ITPK1: variants seen among roughly 807,000 people sequenced by gnomAD.
ITPK1 encodes inositol 1,3,4-trisphosphate 5/6-kinase.
In ITPK1, 21 loss-of-function variants were observed where a neutral mutation model predicts 45.3. The ratio of observed to expected loss-of-function variants is 0.46; its 90% CI spans 0.33 to 0.67. ITPK1 has a LOEUF of 0.67. Among genes scored for constraint, ITPK1 ranks in the 30% least tolerant of loss-of-function variants. The pLI, the probability that ITPK1 is intolerant of heterozygous loss-of-function variation, is 0.02. For synonymous variants in ITPK1, 258 were observed against 253.6 expected (o/e 1.02, Z -0.16); for missense variants, 474 against 573.5 (o/e 0.83, Z 1.77).
intron 3 of ITPK1, among the ~76,000 whole-genome samples, chr14:93,065,986 G>A (rs2139960990): frequency 6.6e-6 from 1 of 152,304 alleles, no homozygotes; most frequent in African/African-American, 2.4e-5. Context: ...AGAAAAAGGA[G>A]CATATTTTAT....
rs913853370 is a variant in ITPK1, at chr14:93,076,695, G to A, written c.96-76C>T. The A allele has an allele frequency of 3.0e-5, 48 of 1,580,450 alleles. No individual in the cohort carries two copies. Among genetic ancestry groups the A allele is most frequent in the East Asian group, 2.2e-4 (10 of 44,728 alleles). On this transcript the variant is annotated intron_variant, in intron 2 of 10. Coordinates refer to ENST00000267615, the MANE Select transcript of ITPK1 (RefSeq NM_014216.6). The surrounding 1 kb of genome is among the most constrained non-coding windows in gnomAD (Gnocchi z 4.3). ...TCCTTTCCGAAGGTTCCCGACAGCC[G>A]GCTGAGGGCAGGACCATGAGAGGGT...
intron 4 of ITPK1, among the ~76,000 whole-genome samples, chr14:93,006,777 A>C (rs561638605): frequency 7.2e-5 from 11 of 152,316 alleles, no homozygotes; most frequent in Admixed American, 2.0e-4. Flanking sequence ...GCTACAGAGG[A>C]GAGGGCTGGA....
At chr14:92,963,990 A>G (rs759862672) in intron 5 of ITPK1, among the ~76,000 whole-genome samples, 1 of 152,206 alleles carries the variant, frequency 6.6e-6, no homozygotes, top group Non-Finnish European at 1.5e-5. Context: ...TCGAGCTGCT[A>G]GCTACTTGGC....
intron 3 of ITPK1, chr14:93,069,889 G>C (rs968812820): frequency 1.3e-5 from 2 of 152,224 alleles, no homozygotes; most frequent in Admixed American, 1.3e-4. Context: ...GAGAAAACAC[G>C]GACAGAAAGA....
intron 3 of ITPK1, among the ~76,000 whole-genome samples, chr14:93,026,372 A>C (rs901930816): frequency 6.6e-6 from 1 of 152,252 alleles, no homozygotes; most frequent in Non-Finnish European, 1.5e-5. Flanking sequence ...ATTAACTACA[A>C]AAGGCTTCCA....
At chr14:93,066,529 T>C (rs867854805) in intron 3 of ITPK1, among the ~76,000 whole-genome samples, 7 of 151,504 alleles carry the variant, frequency 4.6e-5, no homozygotes, top group Non-Finnish European at 8.8e-5. Flanking sequence ...CTCAGCCTCC[T>C]GAGTAGCTGG....
intron 4 of ITPK1, among the ~76,000 whole-genome samples, chr14:93,004,292 C>A (rs1887498696): frequency 6.6e-6 from 1 of 152,372 alleles, no homozygotes; most frequent in South Asian, 2.1e-4. Context: ...CGGTTCCCTG[C>A]GGTCTCTGTT....
At chr14:93,030,118 A>G (rs2139887273) in intron 3 of ITPK1, among the ~76,000 whole-genome samples, 1 of 152,348 alleles carries the variant, frequency 6.6e-6, no homozygotes, top group East Asian at 1.9e-4. Flanking sequence ...ACTCCCTTCC[A>G]ACTGCCAACA....
At chr14:93,092,234 G>A (rs1891893321) in intron 2 of ITPK1, among the ~76,000 whole-genome samples, 1 of 152,196 alleles carries the variant, frequency 6.6e-6, no homozygotes, top group African/African-American at 2.4e-5. Context: ...CCCATGGAAA[G>A]GCTACCACAG....
intron 3 of ITPK1, among the ~76,000 whole-genome samples, chr14:93,042,009 C>T (rs536404947): frequency 1.3e-5 from 2 of 152,314 alleles, no homozygotes; most frequent in South Asian, 2.1e-4. Context: ...TACTAAATGA[C>T]AACAGCAGTG....
intron 4 of ITPK1, among the ~76,000 whole-genome samples, chr14:93,005,904 C>T (rs974620634): frequency 3.3e-5 from 5 of 152,132 alleles, no homozygotes; most frequent in African/African-American, 1.2e-4. Context: ...AGGCTGCCTG[C>T]AAAAGACTAA....
chr14:92,970,554 C>G (rs1355727597), intron 5 of ITPK1, among the ~76,000 whole-genome samples: 1 of 152,198 alleles, frequency 6.6e-6, no homozygotes, highest in East Asian at 1.9e-4. Flanking sequence ...TGGCAGGAAA[C>G]TGGGGCAAGA....
At chr14:92,946,295 A>T in intron 10 of ITPK1, 36 bp downstream of exon 10, 1 of 1,609,776 alleles carries the variant, frequency 6.2e-7, no homozygotes. Context: ...CAGTCTCTGG[A>T]GGCCGGTCAG....
rs1488568004 is a variant in ITPK1 at position 93,066,213 on chromosome 14, GAC to G, written c.120+10380_120+10381del. On this transcript the variant is annotated intron_variant, in intron 3 of 10. Transcript: ENST00000267615. ...GTAGACACAGCGCACATCAGGGCCA[GAC>G]CACGTGCTCCTCAGAGACCAGCAAG... is the stretch of plus-strand genomic sequence containing the variant. 8.8e-6 allele frequency: 4 copies of G among 455,658 alleles called. No individual in the cohort carries two copies. The Admixed American group carries it at 9.4e-5, about 11-fold the overall frequency. The allele number at this position is 455,658 out of a possible 1,614,324, so 28.2% of individuals were successfully genotyped here.
intron 5 of ITPK1, among the ~76,000 whole-genome samples, chr14:92,975,324 C>A (rs1302568071): frequency 6.6e-6 from 1 of 152,182 alleles, no homozygotes; most frequent in Admixed American, 6.5e-5. Flanking sequence ...GACCCAGTAC[C>A]CAGTTCCTCC....
chr14:93,106,288 G>T (rs543435013), intron 2 of ITPK1, among the ~76,000 whole-genome samples: 1 of 148,804 alleles, frequency 6.7e-6, no homozygotes, highest in South Asian at 2.2e-4. Flanking sequence ...GGGCATAACT[G>T]CAGCCTCCCT....
chr14:93,090,588 G>A (rs572459371), intron 2 of ITPK1, among the ~76,000 whole-genome samples: 34 of 152,056 alleles, frequency 2.2e-4, no homozygotes, highest in African/African-American at 6.8e-4. Flanking sequence ...AGAGAGGAAT[G>A]AGCCCCATTT....
At chr14:93,061,251 C>G (rs1258284097) in intron 3 of ITPK1, among the ~76,000 whole-genome samples, 1 of 152,230 alleles carries the variant, frequency 6.6e-6, no homozygotes, top group Non-Finnish European at 1.5e-5. Context: ...TCTCAATTAC[C>G]CTTCTTAACC....
intron 5 of ITPK1, among the ~76,000 whole-genome samples, chr14:92,982,326 G>A (rs930802107): frequency 2.0e-5 from 3 of 152,282 alleles, no homozygotes; most frequent in Admixed American, 6.5e-5. Flanking sequence ...GATGGTCTGG[G>A]TAACTCTTAG....
Sources: allele counts gnomAD v4.1 joint callset (sites outside exome capture counted in the v4.1 genomes callset), GRCh38; gene constraint gnomAD v4.1.1; non-coding constraint Gnocchi (gnomAD v3.1); transcripts MANE v1.5; gene names NCBI Gene and HGNC (gene_info 2026-07-23, HGNC 2026-07-21).